Variants in BTG4 observed in about 807,000 individuals in gnomAD.
BTG4 encodes the protein protein BTG4.
A neutral mutation model predicts 19.3 loss-of-function variants in BTG4; 10 were observed. The ratio of observed to expected loss-of-function variants is 0.52; its 90% CI spans 0.32 to 0.88. BTG4 has a LOEUF of 0.88. Ranked by LOEUF, BTG4 falls within the 40% of genes least tolerant of loss-of-function variation. The pLI, the probability that BTG4 is intolerant of heterozygous loss-of-function variation, is 0.04. For synonymous variants in BTG4, 91 were observed against 95.7 expected, an observed-to-expected ratio of 0.95 and a Z score of 0.29; for missense variants, 238 against 281.9, an observed-to-expected ratio of 0.84 and a Z score of 1.11.
Position 111,505,623 on chromosome 11 carries a change from T to C in BTG4, c.-27+6558A>G, listed in dbSNP as rs999593669. ...ACACAAACGCAATAAAAAACGAAGA[T>C]AGAGAAATAGGACATAAACTAAAAG... On this transcript the variant is annotated intron_variant, in intron 1 of 4. Transcript: ENST00000692032. Among the ~76,000 whole-genome samples the C allele has an allele frequency of 9.3e-5, 14 of 151,152 alleles. 3 individuals carry two copies. The highest frequency in any genetic ancestry group is 9.2e-4 in the Admixed American group (14 of 15,226).
chr11:111,514,268 A>C (rs1309722031), upstream of BTG4: 3 of 159,378 alleles, frequency 1.9e-5, no homozygotes, highest in African/African-American at 4.8e-5. Context: ...GAATTTTAAA[A>C]TCACAGAAAC....
intron 5 of BTG4, among the ~76,000 whole-genome samples, chr11:111,468,853 C>T (rs1479996370): frequency 6.6e-6 from 1 of 152,072 alleles, no homozygotes; most frequent in African/African-American, 2.4e-5. Context: ...AGAATCACCC[C>T]CTTGTGATTC....
rs908999427 is a variant in BTG4 at position 111,499,440 on chromosome 11, T to G, written c.-26-638A>C. The stretch of plus-strand genomic sequence containing the variant: ...GAAATGATCATACAGCTTTTTCATA[T>G]GCCAATCTGGTCTCCATCCGATTGC... On this transcript the variant is annotated intron_variant, in intron 1 of 4. Transcript: ENST00000692032. Among the ~76,000 whole-genome samples the G allele has an allele frequency of 2.6e-5, 4 of 152,228 alleles. No individual in the cohort carries two copies. In the South Asian group the frequency reaches 8.3e-4, roughly 32 times the overall value.
chr11:111,500,587 T>C (rs1212996104), intron 1 of BTG4, among the ~76,000 whole-genome samples: 4 of 152,174 alleles, frequency 2.6e-5, no homozygotes, highest in African/African-American at 9.7e-5. Flanking sequence ...GGAGCCTAAA[T>C]AGTCTCAGCT....
At chr11:111,457,542 T>A in the BTG4 span, 1 of 152,466 alleles carries the variant, frequency 6.6e-6, no homozygotes, top group Non-Finnish European at 1.5e-5. Flanking sequence ...TTTCCACCCT[T>A]CATCCTCTCA....
At chr11:111,512,943 C>A (rs765840817), upstream of BTG4, 14 of 450,146 alleles carry the variant, frequency 3.1e-5, no homozygotes, top group South Asian at 2.3e-4. Context: ...GCCCGGTGCT[C>A]GGTTTGTAGG....
chr11:111,396,446 T>C, the BTG4 span, among the ~76,000 whole-genome samples: 38 of 152,308 alleles, frequency 2.5e-4, no homozygotes, highest in African/African-American at 7.9e-4. Flanking sequence ...TTCCAGCAGG[T>C]GCAGCAGAAA....
chr11:111,414,166 G>A, the BTG4 span: 21 of 152,218 alleles, frequency 1.4e-4, no homozygotes, highest in African/African-American at 5.1e-4. Context: ...TTGGTGATTG[G>A]TTTAATGAAG....
rs117589383 is a variant in BTG4 at position 111,498,632 on chromosome 11, C to G, written c.145G>C (p.Asp49His). The change falls in exon 2 of 5, where the codon GAT (aspartate) becomes CAT (histidine). Residue 49 changes from aspartate to histidine, a missense_variant. Asp to His is a moderately conservative substitution (Grantham distance 81). Coordinates refer to ENST00000692032, the MANE Select transcript of BTG4 (RefSeq NM_001367975.1). ...AAGGCTTGCCCTTTAGAAGGGCAAT[C>G]AGAGTGCCAGTGACTTCTGTATGTT... is the stretch of plus-strand genomic sequence containing the variant. ...FETYRSHWHS[D>H]CPSKGQAFRC... The G allele has an allele frequency of 1.9e-6, 3 of 1,613,400 alleles. No individual in the cohort carries two copies. Among genetic ancestry groups the G allele is most frequent in the African/African-American group, 2.7e-5 (2 of 74,916 alleles).
At chr11:111,455,351 T>C in the BTG4 span, 5 of 283,734 alleles carry the variant, frequency 1.8e-5, no homozygotes, top group Non-Finnish European at 3.6e-5. Flanking sequence ...CTGTAGCGCC[T>C]GCAGGTGAGC....
At chr11:111,469,496 G>A (rs1246832477) in intron 5 of BTG4, among the ~76,000 whole-genome samples, 1 of 152,160 alleles carries the variant, frequency 6.6e-6, no homozygotes, top group Admixed American at 6.5e-5. Context: ...CCAGGAAGAG[G>A]ATTTTCCTAA....
At chr11:111,418,583 A>T in the BTG4 span, among the ~76,000 whole-genome samples, 2 of 152,182 alleles carry the variant, frequency 1.3e-5, no homozygotes, top group Non-Finnish European at 2.9e-5. Context: ...TGACATGGAG[A>T]TTCTGCAGCG....
the BTG4 span, chr11:111,454,838 T>TTGGGGGG: frequency 2.9e-6 from 1 of 348,104 alleles, no homozygotes; most frequent in South Asian, 2.0e-5. Flanking sequence ...GGGTTGGGGG[T>TTGGGGGG]TGGGGGGTGG....
the BTG4 span, among the ~76,000 whole-genome samples, chr11:111,421,697 A>G: frequency 1.3e-5 from 2 of 152,124 alleles, no homozygotes; most frequent in African/African-American, 2.4e-5. Flanking sequence ...GGTAGATCAC[A>G]AGGTCAGGAG....
intron 5 of BTG4, among the ~76,000 whole-genome samples, chr11:111,486,744 A>C (rs1277692466): frequency 6.6e-6 from 1 of 152,232 alleles, no homozygotes; most frequent in Non-Finnish European, 1.5e-5. Context: ...AAACATATGC[A>C]AAAAATAATG....
chr11:111,476,731 GAC>G (rs1447217924), intron 5 of BTG4, among the ~76,000 whole-genome samples: 1 of 152,132 alleles, frequency 6.6e-6, no homozygotes, highest in East Asian at 1.9e-4. Flanking sequence ...TTGCCCATAA[GAC>G]GGGCTATGAG....
At chr11:111,402,027 A>G in the BTG4 span, among the ~76,000 whole-genome samples, 1 of 152,108 alleles carries the variant, frequency 6.6e-6, no homozygotes, top group African/African-American at 2.4e-5. Flanking sequence ...TCTCCACCCA[A>G]CTCTCACCTT....
rs1231429798 is a variant in BTG4, at chr11:111,495,251, C to T, written c.574G>A (p.Asp192Asn). Residue 192 changes from aspartate to asparagine, a missense_variant, in exon 5 of 5, where the codon GAC (aspartate) becomes AAC (asparagine). Transcript: ENST00000692032. ...TTTCCCAGGAGGCCAACACGGCCGT[C>T]CACCACATTCTTTTTGCGGGGGATT... ...LQIPRKKNVVDGRVGLLGNTY... is the reference protein window; with the variant it reads ...LQIPRKKNVVNGRVGLLGNTY... 1 of 1,611,906 alleles carries T rather than the reference C, an allele frequency of 6.2e-7. No individual in the cohort carries two copies. Among genetic ancestry groups the T allele is most frequent in the East Asian group, 2.2e-5 (1 of 44,816 alleles).
chr11:111,497,009 T>TA, intron 4 of BTG4: 1 of 440,094 alleles, frequency 2.3e-6, no homozygotes, highest in Admixed American at 4.1e-5. Context: ...ATGTGGATCC[T>TA]AAAAGCTCAG....
Sources: gnomAD v4.1 joint callset for allele counts (sites outside exome capture counted in the v4.1 genomes callset) on GRCh38, gnomAD v4.1.1 for gene constraint, MANE v1.5 for transcripts, NCBI Gene and HGNC (gene_info 2026-07-23, HGNC 2026-07-21) for gene names.